The following DNAJB1 variants were observed in gnomAD, a reference collection of about 807,000 sequenced individuals.
The protein encoded by DNAJB1 is DnaJ heat shock protein family (Hsp40) member B1.
DNAJB1 carries 14 observed loss-of-function variants against 24.0 expected under a neutral mutation model. That is an observed-to-expected ratio of 0.58 (90% CI 0.39 to 0.91). The LOEUF is 0.91. Among genes scored for constraint, DNAJB1 ranks in the 40% least tolerant of loss-of-function variants. DNAJB1 has a pLI of 0.00. For synonymous variants in DNAJB1, 262 were observed against 174.4 expected (o/e 1.50, Z -3.96); for missense variants, 517 against 458.1 (o/e 1.13, Z -1.17).
intron 1 of DNAJB1, among the ~76,000 whole-genome samples, chr19:14,540,594 G>A (rs2073065318): frequency 6.6e-6 from 1 of 151,876 alleles, no homozygotes; most frequent in South Asian, 2.1e-4. Flanking sequence ...GTTTCATTGT[G>A]TTGGCCAGGC....
At chr19:14,543,405 ATATATATATATATATTTTTTTTTTT>A (rs1366640039) in intron 1 of DNAJB1, among the ~76,000 whole-genome samples, 505 of 19,476 alleles carry the variant, frequency 0.026, 11 homozygotes, top group South Asian at 0.073. Context: ...ATATATATAT[ATATATATATATATATTTTTTTTTTT>A]TTTTTTTTTT....
At chr19:14,543,477 C>T (rs1370520904) in intron 1 of DNAJB1, among the ~76,000 whole-genome samples, 5 of 100,230 alleles carry the variant, frequency 5.0e-5, no homozygotes, top group Non-Finnish European at 9.2e-5. Context: ...CTCGCTCTGT[C>T]GCCCAGGCTG....
chr19:14,529,587 G>C (rs372602559), upstream of DNAJB1: 2,712 of 1,555,856 alleles, frequency 1.7e-3, 58 homozygotes, highest in South Asian at 0.028. Context: ...GGCGGACGCA[G>C]AGCCGCGTTT....
At chr19:14,559,584 C>T (rs892897922) in intron 1 of DNAJB1, among the ~76,000 whole-genome samples, 1 of 152,014 alleles carries the variant, frequency 6.6e-6, no homozygotes, top group Admixed American at 6.6e-5. Context: ...CTCAGGAGTT[C>T]GAGACCAGCC....
At chr19:14,518,846 T>G (rs1389989262), upstream of DNAJB1, among the ~76,000 whole-genome samples, 1 of 152,246 alleles carries the variant, frequency 6.6e-6, no homozygotes, top group East Asian at 1.9e-4. Flanking sequence ...TCGTGGGGCC[T>G]GCGGTGGGCT....
chr19:14,548,111 C>A (rs1294559475), intron 1 of DNAJB1, among the ~76,000 whole-genome samples: 2 of 151,872 alleles, frequency 1.3e-5, no homozygotes, highest in Non-Finnish European at 2.9e-5. Context: ...TACAGGCGCC[C>A]ACCACCATGC....
Position 14,557,641 on chromosome 19 carries a change from G to A in DNAJB1, c.-2166+2390C>T, listed in dbSNP as rs187187166. Among the ~76,000 whole-genome samples, 75 of 151,108 alleles carry A rather than the reference G, an allele frequency of 5.0e-4. 1 individual carries two copies. Among genetic ancestry groups the A allele is most frequent in the Non-Finnish European group, 5.9e-5 (4 of 67,826 alleles). On this transcript the variant is annotated intron_variant, in intron 1 of 5. Transcript: ENST00000679223. The stretch of plus-strand genomic sequence containing the variant: ...TAATTTTTGTATCTTTGGTAGAGAC[G>A]GGGTTTCGCCATGTTGTCCAGGCTG...
At chr19:14,517,466 T>C (rs1599380846) in intron 1 of DNAJB1, 1 of 164,800 alleles carries the variant, frequency 6.1e-6, no homozygotes, top group African/African-American at 2.4e-5. Flanking sequence ...ATAGGGAGTT[T>C]TTAAATCCTC....
At chr19:14,518,084 T>G in intron 1 of DNAJB1, 55 bp downstream of exon 1, 1 of 1,379,586 alleles carries the variant, frequency 7.2e-7, no homozygotes, top group Non-Finnish European at 9.4e-7. Context: ...CCAGCGTGCC[T>G]CAGTTTCCCT....
upstream of DNAJB1, among the ~76,000 whole-genome samples, chr19:14,553,835 G>A (rs74487871): frequency 2.0e-5 from 3 of 152,260 alleles, no homozygotes; most frequent in East Asian, 3.9e-4. Flanking sequence ...TGTGCCCGGC[G>A]CGGGGATGGT....
intron 1 of DNAJB1, among the ~76,000 whole-genome samples, chr19:14,549,257 G>C (rs986722125): frequency 7.0e-6 from 1 of 142,532 alleles, no homozygotes; most frequent in Non-Finnish European, 1.5e-5. Flanking sequence ...TCTGTCGCCA[G>C]GCTGGGGTGC....
At chr19:14,558,472 C>T (rs756234188) in intron 1 of DNAJB1, among the ~76,000 whole-genome samples, 9 of 152,300 alleles carry the variant, frequency 5.9e-5, no homozygotes, top group African/African-American at 1.2e-4. Context: ...GCCCTGACCT[C>T]GTGCTGCGAC....
At chr19:14,529,591 C>T (rs45556632), upstream of DNAJB1, 4 of 1,563,048 alleles carry the variant, frequency 2.6e-6, no homozygotes, top group South Asian at 4.4e-5. Flanking sequence ...GACGCAGAGC[C>T]GCGTTTAGTC....
upstream of DNAJB1, among the ~76,000 whole-genome samples, chr19:14,553,475 C>T (rs1363234203): frequency 1.3e-5 from 2 of 152,096 alleles, no homozygotes; most frequent in African/African-American, 2.4e-5. Context: ...CCCCGGGTGC[C>T]ACTGAGAAAC....
chr19:14,535,281 G>C (rs937694281), intron 1 of DNAJB1, among the ~76,000 whole-genome samples: 1 of 151,584 alleles, frequency 6.6e-6, no homozygotes, highest in African/African-American at 2.4e-5. Context: ...GCCGAGGTGG[G>C]TGAATCACGA....
intron 1 of DNAJB1, among the ~76,000 whole-genome samples, chr19:14,535,296 A>G (rs1242639885): frequency 6.6e-6 from 1 of 151,454 alleles, no homozygotes; most frequent in African/African-American, 2.4e-5. Flanking sequence ...TCACGAGGCC[A>G]GGAGATCGAG....
intron 1 of DNAJB1, among the ~76,000 whole-genome samples, chr19:14,535,566 ATATATATATATATATATATATATG>A (rs1307097607): frequency 0.021 from 412 of 19,788 alleles, 21 homozygotes; most frequent in South Asian, 0.067. Context: ...ATATATATAT[ATATATATATATATATATATATATG>A]TATGTATATA....
At chr19:14,537,574 G>A (rs1459134207) in intron 1 of DNAJB1, among the ~76,000 whole-genome samples, 3 of 152,072 alleles carry the variant, frequency 2.0e-5, no homozygotes, top group Non-Finnish European at 4.4e-5. Context: ...CGTGAGAAAG[G>A]CCAGAGACCT....
chr19:14,518,428 C>A (rs1190110017), upstream of DNAJB1: 1 of 1,219,556 alleles, frequency 8.2e-7, no homozygotes. Flanking sequence ...TCTATATACC[C>A]GTCCGGCGGA....
Sources: gnomAD v4.1 joint callset for allele counts (sites outside exome capture counted in the v4.1 genomes callset) on GRCh38, gnomAD v4.1.1 for gene constraint, MANE v1.5 for transcripts, NCBI Gene and HGNC (gene_info 2026-07-23, HGNC 2026-07-21) for gene names.